The following DEGS2 variants were observed in gnomAD, a reference collection of about 807,000 sequenced individuals.
DEGS2 encodes delta 4-desaturase, sphingolipid 2, also known as sphingolipid delta(4)-desaturase/C4-monooxygenase DES2.
DEGS2 carries 19 observed loss-of-function variants against 23.8 expected under a neutral mutation model. The observed-to-expected ratio is 0.80, with a 90% CI of 0.56 to 1.17. The LOEUF is 1.17. Among genes scored for constraint, DEGS2 ranks in the 50% most tolerant of loss-of-function variants. The probability of loss-of-function intolerance (pLI) is 0.00; values close to 1 mark genes in which losing one functional copy is unlikely to be tolerated. For missense variants in DEGS2, 390 were observed against 459.5 expected (o/e 0.85, Z 1.38); for synonymous variants, 218 against 213.7 (o/e 1.02, Z -0.18).
chr14:100,159,653 G>A, upstream of DEGS2: 2 of 1,154,212 alleles, frequency 1.7e-6, no homozygotes, highest in South Asian at 1.8e-5. Flanking sequence ...CGCGGCGGCC[G>A]CGGCGCGGAA....
intron 1 of DEGS2, 65 bp downstream of exon 1, chr14:100,159,441 A>C: frequency 7.7e-7 from 1 of 1,304,178 alleles, no homozygotes. Context: ...GCTCGACCCC[A>C]CGACGCGACT....
intron 2 of DEGS2, among the ~76,000 whole-genome samples, chr14:100,147,870 C>T (rs981569328): frequency 6.6e-6 from 1 of 151,948 alleles, no homozygotes; most frequent in Non-Finnish European, 1.5e-5. Context: ...GAGGCGGGCA[C>T]CTCTCCCCTC....
chr14:100,160,304 G>A (rs1595281462), upstream of DEGS2: 1 of 152,270 alleles, frequency 6.6e-6, no homozygotes, highest in African/African-American at 2.4e-5. Context: ...GATTCAGGGT[G>A]ATACGTGCCA....
intron 1 of DEGS2, 56 bp downstream of exon 1, chr14:100,159,450 C>T (rs1244332190): frequency 2.9e-6 from 4 of 1,375,030 alleles, no homozygotes; most frequent in African/African-American, 1.5e-5. Context: ...CACGACGCGA[C>T]TCCAGACGGG....
chr14:100,156,369 C>T (rs892919519), intron 1 of DEGS2, among the ~76,000 whole-genome samples: 1 of 152,242 alleles, frequency 6.6e-6, no homozygotes, highest in African/African-American at 2.4e-5. Flanking sequence ...GAGAGTATTC[C>T]CTGTCCTTAG....
intron 1 of DEGS2, among the ~76,000 whole-genome samples, chr14:100,155,075 G>T (rs1467545080): frequency 1.3e-5 from 2 of 152,184 alleles, no homozygotes; most frequent in African/African-American, 4.8e-5. Context: ...GCCATCATAT[G>T]ACAGTCACTC....
chr14:100,163,776 G>A (rs1246962820), upstream of DEGS2, among the ~76,000 whole-genome samples: 3 of 152,194 alleles, frequency 2.0e-5, no homozygotes, highest in Non-Finnish European at 4.4e-5. Flanking sequence ...GTGAAGTGCA[G>A]TGGTGCAGTC....
chr14:100,153,256 TAGATAGATAGATAGATA>T (rs2140423293), intron 1 of DEGS2, among the ~76,000 whole-genome samples: 1 of 25,444 alleles, frequency 3.9e-5, no homozygotes, highest in East Asian at 7.8e-4. Context: ...CAAAAACAGA[TAGATAGATAGATAGATA>T]GATAGATAGA....
rs554768828 is a variant in DEGS2, at chr14:100,145,400, G to A, written c.*1361C>T. The A allele has an allele frequency of 6.6e-6, 1 of 152,468 alleles. No homozygotes were observed. Among genetic ancestry groups the A allele is most frequent in the Admixed American group, 6.5e-5 (1 of 15,306 alleles). 9.4% of individuals were successfully genotyped at this position (152,468 alleles called of 1,614,324 possible). A position where few individuals can be genotyped will look rare whatever the true frequency, so the allele number is the denominator to read the frequency against. Reference sequence around the variant, plus strand: ...CTTTGCAGAACAAGTCCTGGGCTCAGGCCTCTTCCCTGCGCCACTCAGCAG... The same window carrying A: ...CTTTGCAGAACAAGTCCTGGGCTCAAGCCTCTTCCCTGCGCCACTCAGCAG... On this transcript the variant is annotated 3_prime_UTR_variant, in exon 3 of 3. Transcript: ENST00000305631.
chr14:100,154,413 G>A (rs974386809), intron 1 of DEGS2, among the ~76,000 whole-genome samples: 1 of 151,532 alleles, frequency 6.6e-6, no homozygotes, highest in Admixed American at 6.6e-5. Flanking sequence ...AGACTCCTGT[G>A]TGCCCTTGGG....
At chr14:100,165,585 G>A in the DEGS2 span, among the ~76,000 whole-genome samples, 1 of 152,222 alleles carries the variant, frequency 6.6e-6, no homozygotes, top group Non-Finnish European at 1.5e-5. Context: ...CCGGGCGGCC[G>A]CGGACGGGCG....
chr14:100,144,021 C>T lies in DEGS2; in HGVS notation c.*2740G>A, dbSNP rs1370109924. On this transcript the variant is annotated 3_prime_UTR_variant, in exon 3 of 3. Coordinates refer to ENST00000305631, the MANE Select transcript of DEGS2 (RefSeq NM_206918.3). The stretch of plus-strand genomic sequence containing the variant: ...ATTTCTTTGGGTTTCTAGAGACGCC[C>T]CTAAGTCACCTGCTTCATTAGACGG... 2.1e-6 allele frequency: 1 copy of T among 473,732 alleles called. No individual in the cohort carries two copies. The highest frequency in any genetic ancestry group is 3.8e-5 in the Admixed American group (1 of 26,654). 29.3% of individuals were successfully genotyped at this position (473,732 alleles called of 1,614,324 possible).
upstream of DEGS2, among the ~76,000 whole-genome samples, chr14:100,161,868 G>A (rs187575418): frequency 6.6e-6 from 1 of 151,562 alleles, no homozygotes; most frequent in African/African-American, 2.4e-5. Flanking sequence ...TCAGGAGTTC[G>A]AGACCAGTCT....
At chr14:100,161,076 G>C (rs1440291209), upstream of DEGS2, among the ~76,000 whole-genome samples, 1 of 152,206 alleles carries the variant, frequency 6.6e-6, no homozygotes, top group African/African-American at 2.4e-5. Context: ...GATGAGGAGC[G>C]CCTTGCCTGA....
At chr14:100,158,023 G>T (rs1472083981) in intron 1 of DEGS2, among the ~76,000 whole-genome samples, 1 of 146,940 alleles carries the variant, frequency 6.8e-6, no homozygotes, top group East Asian at 2.1e-4. Flanking sequence ...GGAGGCGGAG[G>T]TTGCGGTGAG....
At position 100,148,948 on chromosome 14, in the gene DEGS2, C is replaced by T. The variant is rs1889508201; in HGVS notation, c.825+20G>A. On this transcript the variant is annotated intron_variant, in intron 2 of 2. Transcript: ENST00000305631. ...TGTGCAGCCCTGCCCCGCCGCAGCC[C>T]TGCCAGCCCAGCCACATACCAGCGG... The T allele has an allele frequency of 2.5e-6, 4 of 1,607,162 alleles. No homozygotes were observed. Among genetic ancestry groups the T allele is most frequent in the Non-Finnish European group, 3.4e-6 (4 of 1,176,454 alleles).
At chr14:100,147,961 C>T (rs1889482798) in intron 2 of DEGS2, among the ~76,000 whole-genome samples, 1 of 152,162 alleles carries the variant, frequency 6.6e-6, no homozygotes. Flanking sequence ...GATGAGGAGG[C>T]AGCTGCCTCC....
upstream of DEGS2, among the ~76,000 whole-genome samples, chr14:100,162,343 G>A (rs563504157): frequency 4.6e-5 from 7 of 151,492 alleles, no homozygotes; most frequent in Non-Finnish European, 7.4e-5. Context: ...GCAAGACTCC[G>A]TCTCAAAAAT....
chr14:100,149,517 C>A lies in DEGS2; in HGVS notation c.276G>T (p.Ser92=). Residue 92 remains serine, a synonymous_variant, in exon 2 of 3, where the codon TCG becomes TCT. Transcript: ENST00000305631. ...GGCCCGTGCCGAAGGCCGCGTTGTG[C>A]GAGATGTCGTGGATGGCCAGCGTCA... ...HSLTLAIHDI[S]HNAAFGTGRA... is the part of the protein sequence containing the mutation. 1 of 1,601,942 alleles carries A rather than the reference C, an allele frequency of 6.2e-7. No individual in the cohort carries two copies. The highest frequency in any genetic ancestry group is 8.5e-7 in the Non-Finnish European group (1 of 1,175,854).
Sources: gnomAD v4.1 joint callset for allele counts (sites outside exome capture counted in the v4.1 genomes callset) on GRCh38, gnomAD v4.1.1 for gene constraint, MANE v1.5 for transcripts, NCBI Gene and HGNC (gene_info 2026-07-23, HGNC 2026-07-21) for gene names.